LIN37: variants seen among roughly 807,000 people sequenced by gnomAD.
The protein encoded by LIN37 is lin-37 DREAM MuvB core complex component.
A neutral mutation model predicts 38.0 loss-of-function variants in LIN37; 21 were observed. The observed-to-expected ratio is 0.55, with a 90% CI of 0.39 to 0.80. The LOEUF (loss-of-function observed/expected upper bound fraction) is 0.80, where lower values mean the gene tolerates loss of function less well. LIN37 is among the 30% of genes least tolerant of loss of function. The probability of loss-of-function intolerance (pLI) is 0.00; values close to 1 mark genes in which losing one functional copy is unlikely to be tolerated. For missense variants in LIN37, 273 were observed against 338.5 expected, an observed-to-expected ratio of 0.81 and a Z score of 1.52; for synonymous variants, 126 against 122.9, an observed-to-expected ratio of 1.03 and a Z score of -0.17.
intron 1 of LIN37, among the ~76,000 whole-genome samples, chr19:35,750,194 G>A (rs1023300647): frequency 6.6e-6 from 1 of 152,084 alleles, no homozygotes; most frequent in African/African-American, 2.4e-5. Flanking sequence ...CCATGGTGAG[G>A]TACAGGGAGG....
chr19:35,748,926 C>T, intron 1 of LIN37, 168 bp downstream of exon 1: 2 of 1,520,432 alleles, frequency 1.3e-6, no homozygotes, highest in Non-Finnish European at 1.8e-6. Flanking sequence ...CACACCCTCC[C>T]GGTGTGCGCT....
chr19:35,753,292 C>T (rs1260356726), intron 6 of LIN37, 39 bp downstream of exon 6: 3 of 1,538,762 alleles, frequency 1.9e-6, no homozygotes, highest in African/African-American at 1.4e-5. Context: ...CAGCCTGGTG[C>T]CAGGGCAGTG....
At chr19:35,753,780 T>A in intron 6 of LIN37, 1 of 585,700 alleles carries the variant, frequency 1.7e-6, no homozygotes, top group Non-Finnish European at 3.0e-6. Flanking sequence ...CTCCCTGGGC[T>A]GACAGGTGTA....
chr19:35,753,546 G>C (rs1282131965), intron 6 of LIN37: 3 of 550,566 alleles, frequency 5.4e-6, no homozygotes, highest in Admixed American at 3.0e-5. Context: ...GCTAGACAAG[G>C]GTCCTTAGTA....
In LIN37 at chr19:35,754,052, G is replaced by A. The variant is rs1242890570; in HGVS notation, c.480G>A (p.Val160=). ...SEVTNSKSRD[V]YKLPPPTPPG... ...TAACCAACAGCAAGAGTCGTGATGTGTACAAGCTGCCGCCACCCACACCCC... is the reference window on the plus strand; with the variant it reads ...TAACCAACAGCAAGAGTCGTGATGTATACAAGCTGCCGCCACCCACACCCC... Residue 160 remains valine, a synonymous_variant, in exon 7 of 9, where the codon GTG becomes GTA. Transcript: ENST00000301159. 1.2e-6 allele frequency: 2 copies of A among 1,613,838 alleles called. No individual in the cohort carries two copies. The highest frequency in any genetic ancestry group is 1.7e-6 in the Non-Finnish European group (2 of 1,179,882).
intron 1 of LIN37, among the ~76,000 whole-genome samples, chr19:35,750,695 G>A (rs1311564817): frequency 2.9e-5 from 1 of 34,320 alleles, no homozygotes; most frequent in African/African-American, 1.4e-4. Context: ...GGGTGCGGTG[G>A]CTTCTGCCTG....
In LIN37 at chr19:35,754,194, A is replaced by G. The variant is rs371163857; in HGVS notation, c.585+37A>G. ...AGGCTGGCCCAGGGTTATGGGGCAC[A>G]TGCGGTAGGGCTCAGGAATGGCCAC... On this transcript the variant is annotated intron_variant, in intron 7 of 8. Coordinates refer to ENST00000301159, the MANE Select transcript of LIN37 (RefSeq NM_019104.3). 40 of 1,613,976 alleles carry G rather than the reference A, an allele frequency of 2.5e-5. No homozygotes were observed. The African/African-American group carries it at 5.2e-4, about 21-fold the overall frequency.
At chr19:35,749,809 A>AT in intron 1 of LIN37, among the ~76,000 whole-genome samples, 1 of 123,698 alleles carries the variant, frequency 8.1e-6, no homozygotes, top group African/African-American at 3.7e-5. Flanking sequence ...TGTCTCAAAA[A>AT]AAAAAAAAAA....
Position 35,753,638 on chromosome 19 carries a change from G to A in LIN37, c.445-379G>A, listed in dbSNP as rs1381567862. 10 of 487,552 alleles carry A rather than the reference G, an allele frequency of 2.1e-5. No homozygotes were observed. In the East Asian group the frequency reaches 3.4e-4, roughly 17 times the overall value. The allele number at this position is 487,552 out of a possible 1,614,324, so 30.2% of individuals were successfully genotyped here. ...AGTCTATAAGCCATCTGACCCAGCG[G>A]GGTAGACAAGGGTCCCCAGGACAGA... On this transcript the variant is annotated intron_variant, in intron 6 of 8. Transcript: ENST00000301159.
intron 3 of LIN37, 64 bp from the exon 4 acceptor site, chr19:35,752,740 C>T (rs1229801184): frequency 3.2e-6 from 5 of 1,575,058 alleles, no homozygotes; most frequent in African/African-American, 2.7e-5. Flanking sequence ...CCAGTATCCC[C>T]AGGGTGCCCT....
chr19:35,752,786 A>G lies in LIN37; in HGVS notation c.162-18A>G. The G allele has an allele frequency of 6.2e-7, 1 of 1,608,500 alleles. No individual in the cohort carries two copies. Among genetic ancestry groups the G allele is most frequent in the Non-Finnish European group, 8.5e-7 (1 of 1,177,920 alleles). ...TTGCACAGGCGTTTGTCTGAGGGTC[A>G]ACTGTCTTTCCCCACAGGGACTGCT... On this transcript the variant is annotated intron_variant, in intron 3 of 8. Transcript: ENST00000301159.
intron 6 of LIN37, 47 bp downstream of exon 6, chr19:35,753,300 G>C (rs1345097559): frequency 1.3e-6 from 2 of 1,536,260 alleles, no homozygotes; most frequent in Non-Finnish European, 1.7e-6. Context: ...TGCCAGGGCA[G>C]TGGGTGGATA....
At chr19:35,752,091 C>A in intron 1 of LIN37, 85 bp from the exon 2 acceptor site, 1 of 1,004,598 alleles carries the variant, frequency 1.0e-6, no homozygotes, top group Non-Finnish European at 1.5e-6. Context: ...GGGCAGAGGA[C>A]ACGCACGCCC....
chr19:35,752,353 GT>G, intron 2 of LIN37, 80 bp from the exon 3 acceptor site: 1 of 1,584,422 alleles, frequency 6.3e-7, no homozygotes, highest in Non-Finnish European at 8.7e-7. Context: ...GGGGAGGAAG[GT>G]GCTTAATGGG....
chr19:35,750,636 A>C (rs888335220), intron 1 of LIN37, among the ~76,000 whole-genome samples: 2 of 152,096 alleles, frequency 1.3e-5, no homozygotes, highest in Non-Finnish European at 2.9e-5. Context: ...CCGAGGGGGA[A>C]AAAAAAGCCC....
chr19:35,752,971 G>A lies in LIN37; in HGVS notation c.249G>A (p.Gly83=). ...AGAAGAGGAGGGAGATGGATGATGG[G>A]CTGGCTGAGGGAGGGCCGCAGCGAT... is the stretch of plus-strand genomic sequence containing the variant. ...RRKKRREMDD[G]LAEGGPQRSN... Residue 83 remains glycine (G), a synonymous_variant, in exon 5 of 9, where the codon GGG becomes GGA. Coordinates refer to ENST00000301159, the MANE Select transcript of LIN37 (RefSeq NM_019104.3). 1 of 1,571,834 alleles carries A rather than the reference G, an allele frequency of 6.4e-7. No individual in the cohort carries two copies. Among genetic ancestry groups the A allele is most frequent in the Non-Finnish European group, 8.6e-7 (1 of 1,158,010 alleles).
chr19:35,753,701 T>C, intron 6 of LIN37: 1 of 515,434 alleles, frequency 1.9e-6, no homozygotes, highest in South Asian at 2.3e-5. Context: ...CTGTCAGAAA[T>C]GGACAGAGCT....
rs754303935 is a variant in LIN37, at chr19:35,752,204, A to G, written c.63A>G (p.Gln21=). The G allele has an allele frequency of 4.4e-6, 7 of 1,606,708 alleles. No homozygotes were observed. In the East Asian group the frequency reaches 1.1e-4, roughly 26 times the overall value. The change falls in exon 2 of 9, where the codon CAA becomes CAG. Residue 21 remains glutamine (Q), a synonymous_variant. Coordinates refer to ENST00000301159, the MANE Select transcript of LIN37 (RefSeq NM_019104.3). ...SELEMAKARN[Q]LDAVLQCLLE... ...TGGAGATGGCCAAAGCCCGGAACCAACTGGATGCTGTCTTGCAGTGTCTGC... is the reference window on the plus strand; with the variant it reads ...TGGAGATGGCCAAAGCCCGGAACCAGCTGGATGCTGTCTTGCAGTGTCTGC...
In LIN37 at chr19:35,753,154, G is replaced by A; in HGVS notation, c.345G>A (p.Leu115=). 1 of 1,598,078 alleles carries A rather than the reference G, an allele frequency of 6.3e-7. No homozygotes were observed. The highest frequency in any genetic ancestry group is 1.1e-5 in the South Asian group (1 of 88,050). The change falls in exon 6 of 9, where the codon CTG becomes CTA. Residue 115 remains leucine (L), a synonymous_variant. Transcript: ENST00000301159. ...DLAQFSENTP[L]YPICRAWMRN... ...CCCAGTTCAGCGAGAACACGCCACT[G>A]TACCCAATCTGCCGCGCCTGGATGC...
Sources: gnomAD v4.1 joint callset for allele counts (sites outside exome capture counted in the v4.1 genomes callset) on GRCh38, gnomAD v4.1.1 for gene constraint, MANE v1.5 for transcripts, NCBI Gene and HGNC (gene_info 2026-07-23, HGNC 2026-07-21) for gene names.